MAGI1: variants seen among roughly 807,000 people sequenced by gnomAD.
MAGI1 encodes the protein membrane associated guanylate kinase, WW and PDZ domain containing 1.
In MAGI1, 58 loss-of-function variants were observed where a neutral mutation model predicts 139.9. The ratio of observed to expected loss-of-function variants is 0.41; its 90% CI spans 0.34 to 0.52. The LOEUF (loss-of-function observed/expected upper bound fraction) is 0.52, where lower values mean the gene tolerates loss of function less well. MAGI1 is among the 20% of genes least tolerant of loss of function. MAGI1 has a pLI of 0.12. For missense variants in MAGI1, 1,874 were observed against 1,901.6 expected, an observed-to-expected ratio of 0.99 and a Z score of 0.27; for synonymous variants, 812 against 737.9, an observed-to-expected ratio of 1.10 and a Z score of -1.63.
intron 1 of MAGI1, among the ~76,000 whole-genome samples, chr3:65,662,260 T>C (rs960531145): frequency 6.6e-6 from 1 of 152,202 alleles, no homozygotes; most frequent in Non-Finnish European, 1.5e-5. Flanking sequence ...AGAAGCCAAA[T>C]TGTTTACATA....
chr3:65,465,361 T>C (rs191212412), intron 5 of MAGI1, among the ~76,000 whole-genome samples: 1 of 151,612 alleles, frequency 6.6e-6, no homozygotes, highest in Non-Finnish European at 1.5e-5. Context: ...AGAATTTTGG[T>C]ATTGTTTTAG....
At chr3:65,468,281 C>T (rs1950299387) in intron 5 of MAGI1, among the ~76,000 whole-genome samples, 1 of 151,612 alleles carries the variant, frequency 6.6e-6, no homozygotes, top group Non-Finnish European at 1.5e-5. Context: ...CATGGGTTGT[C>T]CCCTCTCTCT....
At chr3:65,630,992 G>A (rs972321886) in intron 1 of MAGI1, among the ~76,000 whole-genome samples, 2 of 152,226 alleles carry the variant, frequency 1.3e-5, no homozygotes, top group Admixed American at 6.5e-5. Context: ...GGTAGAGGAC[G>A]TGGTCTAAAT....
At chr3:65,715,199 T>C (rs912883531) in intron 1 of MAGI1, among the ~76,000 whole-genome samples, 6 of 152,174 alleles carry the variant, frequency 3.9e-5, no homozygotes, top group African/African-American at 1.4e-4. Flanking sequence ...TTCTCAAGGG[T>C]ATATCACTCT....
intron 1 of MAGI1, among the ~76,000 whole-genome samples, chr3:65,979,088 T>TCCTCCCCCCCCCCCCCCCCCCCCCCC (rs1553742242): frequency 1.9e-5 from 1 of 52,970 alleles, no homozygotes; most frequent in Non-Finnish European, 3.6e-5. Context: ...TTTCTTTTCT[T>TCCTCCCCCCCCCCCCCCCCCCCCCCC]CCCCCCCCCC....
intron 1 of MAGI1, among the ~76,000 whole-genome samples, chr3:65,677,810 G>A (rs1167322087): frequency 6.6e-6 from 1 of 152,198 alleles, no homozygotes; most frequent in Non-Finnish European, 1.5e-5. Flanking sequence ...TGGAAGTGCT[G>A]CACATGAAGA....
At position 65,442,708 on chromosome 3, in the gene MAGI1, AATG is replaced by A; in HGVS notation, c.1136+81_1136+83del. 4 of 924,628 alleles carry A rather than the reference AATG, an allele frequency of 4.3e-6. No individual in the cohort carries two copies. In the Admixed American group the frequency reaches 8.2e-5, roughly 19 times the overall value. 57.3% of individuals were successfully genotyped at this position (924,628 alleles called of 1,614,324 possible). On this transcript the variant is annotated intron_variant, in intron 8 of 22. Transcript: ENST00000402939. ...TATTGTTAATTGGTTTGTGCCTTAT[AATG>A]ATGTCAGGCTGTACTTAACACAAAT...
rs201319562 is a variant in MAGI1, at chr3:65,379,555, C to T, written c.2702-1G>A. ...GGCACCTCGTTCTCGGTTTTGGGCA[C>T]TGTAGCAGAGAGATGCACGCGTACA... On this transcript the variant is annotated splice_acceptor_variant, in intron 16 of 22. Coordinates refer to ENST00000402939, the MANE Select transcript of MAGI1 (RefSeq NM_001033057.2). LOFTEE classifies it high-confidence loss of function. 6.2e-7 allele frequency: 1 copy of T among 1,606,716 alleles called. No homozygotes were observed. Among genetic ancestry groups the T allele is most frequent in the East Asian group, 2.2e-5 (1 of 44,608 alleles).
intron 2 of MAGI1, among the ~76,000 whole-genome samples, chr3:65,544,133 T>C (rs2079389348): frequency 6.6e-6 from 1 of 152,186 alleles, no homozygotes; most frequent in African/African-American, 2.4e-5. Context: ...AATTAATGCA[T>C]ATTTTTCTTT....
chr3:65,790,487 T>G (rs1007122248), intron 1 of MAGI1, among the ~76,000 whole-genome samples: 1 of 152,330 alleles, frequency 6.6e-6, no homozygotes, highest in African/African-American at 2.4e-5. Context: ...CCTTCTCCTT[T>G]TACTAAAAGC....
intron 1 of MAGI1, among the ~76,000 whole-genome samples, chr3:65,876,829 C>T (rs1256091080): frequency 2.6e-5 from 4 of 151,302 alleles, no homozygotes; most frequent in Non-Finnish European, 2.9e-5. Flanking sequence ...CTGCAAGCTC[C>T]GCTTCCCAGG....
At chr3:65,563,627 T>C (rs1338251225) in intron 2 of MAGI1, among the ~76,000 whole-genome samples, 5 of 152,130 alleles carry the variant, frequency 3.3e-5, no homozygotes, top group African/African-American at 1.2e-4. Flanking sequence ...GTGAGACACC[T>C]TGAGAGTGGA....
intron 1 of MAGI1, among the ~76,000 whole-genome samples, chr3:65,790,629 C>G (rs550953187): frequency 2.6e-5 from 4 of 152,250 alleles, no homozygotes; most frequent in African/African-American, 9.6e-5. Context: ...CTGGAGTCAG[C>G]TGTAGAGGAA....
At chr3:65,895,321 CT>C in intron 1 of MAGI1, among the ~76,000 whole-genome samples, 1 of 152,216 alleles carries the variant, frequency 6.6e-6, no homozygotes, top group African/African-American at 2.4e-5. Flanking sequence ...TCTCCAGCCC[CT>C]ATTCTCTCCA....
At chr3:65,898,091 T>G (rs2061058778) in intron 1 of MAGI1, among the ~76,000 whole-genome samples, 1 of 152,180 alleles carries the variant, frequency 6.6e-6, no homozygotes, top group Non-Finnish European at 1.5e-5. Context: ...TAAGAATAAA[T>G]GCTTGTGATT....
At chr3:66,006,028 T>C (rs192630285) in intron 1 of MAGI1, among the ~76,000 whole-genome samples, 28 of 152,322 alleles carry the variant, frequency 1.8e-4, no homozygotes, top group Admixed American at 1.4e-3. Flanking sequence ...TAAAAAATTA[T>C]ATTTAGAGAG....
At chr3:65,778,963 G>A (rs764966696) in intron 1 of MAGI1, among the ~76,000 whole-genome samples, 3 of 152,156 alleles carry the variant, frequency 2.0e-5, no homozygotes, top group Admixed American at 6.5e-5. Flanking sequence ...TAGGGGTCGA[G>A]ACCAGGGATA....
chr3:65,378,858 T>C (rs986456730), intron 17 of MAGI1, among the ~76,000 whole-genome samples: 1 of 152,074 alleles, frequency 6.6e-6, no homozygotes. Flanking sequence ...CTTTTTGTAC[T>C]TTTAGTAGAG....
intron 3 of MAGI1, among the ~76,000 whole-genome samples, chr3:65,483,622 T>A (rs1456633620): frequency 6.6e-6 from 1 of 152,234 alleles, no homozygotes; most frequent in Non-Finnish European, 1.5e-5. Context: ...AGGCTGATTA[T>A]CCCACAGGCT....
Sources: gnomAD v4.1 joint callset for allele counts (sites outside exome capture counted in the v4.1 genomes callset) on GRCh38, gnomAD v4.1.1 for gene constraint, MANE v1.5 for transcripts, NCBI Gene and HGNC (gene_info 2026-07-23, HGNC 2026-07-21) for gene names.